BPTF: variants seen among roughly 807,000 people sequenced by gnomAD.
BPTF encodes the protein nucleosome-remodeling factor subunit BPTF.
A neutral mutation model predicts 292.5 loss-of-function variants in BPTF; 18 were observed. That is an observed-to-expected ratio of 0.06 (90% confidence interval 0.04 to 0.09). The LOEUF (loss-of-function observed/expected upper bound fraction) is 0.09. Ranked by LOEUF, BPTF falls within the 10% of genes least tolerant of loss-of-function variation. The pLI is 1.00. For synonymous variants in BPTF, 1,225 were observed against 1,251.9 expected (o/e 0.98, Z 0.45); for missense variants, 2,726 against 3,498.7 (o/e 0.78, Z 5.57).
At chr17:67,863,187 G>A (rs535869448) in intron 2 of BPTF, among the ~76,000 whole-genome samples, 45 of 152,296 alleles carry the variant, frequency 3.0e-4, no homozygotes, top group Non-Finnish European at 6.0e-4. Context: ...AAGAGAATCT[G>A]TTCCATGCCT....
intron 12 of BPTF, among the ~76,000 whole-genome samples, chr17:67,919,173 A>AAATAATAATAAT (rs141658141): frequency 3.0e-5 from 4 of 135,558 alleles, no homozygotes; most frequent in African/African-American, 8.5e-5. Context: ...CTCTGTCTCA[A>AAATAATAATAAT]AATAATAATA....
At chr17:67,873,338 A>G (rs935231141) in intron 3 of BPTF, among the ~76,000 whole-genome samples, 1 of 151,706 alleles carries the variant, frequency 6.6e-6, no homozygotes, top group African/African-American at 2.4e-5. Flanking sequence ...GGCGCCTGTA[A>G]TCCCAGCTAC....
Position 67,920,011 on chromosome 17 carries a change from A to G in BPTF, c.5429-4A>G. 6.2e-7 allele frequency: 1 copy of G among 1,609,200 alleles called. No homozygotes were observed. Among genetic ancestry groups the G allele is most frequent in the Non-Finnish European group, 8.5e-7 (1 of 1,177,370 alleles). On this transcript the variant is annotated splice_polypyrimidine_tract_variant and splice_region_variant and intron_variant, in intron 12 of 27. Transcript: ENST00000306378. ...ATTAATACTATTGAATTAAATCACC[A>G]TAGAAACATCCGAAACTGAAATCAC...
At chr17:67,896,258 A>G (rs544768410) in intron 7 of BPTF, among the ~76,000 whole-genome samples, 2 of 152,324 alleles carry the variant, frequency 1.3e-5, no homozygotes, top group South Asian at 4.1e-4. Context: ...GACTGCACCC[A>G]GCCAATATTG....
chr17:67,970,922 A>C (rs2068686725), intron 26 of BPTF, among the ~76,000 whole-genome samples: 1 of 152,148 alleles, frequency 6.6e-6, no homozygotes, highest in South Asian at 2.1e-4. Context: ...TTCTAAGAAA[A>C]CAGTCTCCAG....
intron 23 of BPTF, chr17:67,950,963 A>G (rs1431634506): frequency 6.6e-6 from 1 of 151,892 alleles, no homozygotes; most frequent in African/African-American, 2.4e-5. Context: ...ATGTGCCACC[A>G]TGCCTGGCTA....
chr17:67,952,416 A>G (rs1235963992), intron 23 of BPTF, among the ~76,000 whole-genome samples: 1 of 152,016 alleles, frequency 6.6e-6, no homozygotes, highest in African/African-American at 2.4e-5. Context: ...GACACCTGCT[A>G]CCACGCCCAG....
At position 67,982,965 on chromosome 17, in the gene BPTF, C is replaced by T. The variant is rs1440418396; in HGVS notation, c.*677C>T. 6.6e-6 allele frequency: 1 copy of T among 152,288 alleles called. No homozygotes were observed. Among genetic ancestry groups the T allele is most frequent in the African/African-American group, 2.4e-5 (1 of 41,452 alleles). 9.4% of individuals were successfully genotyped at this position (152,288 alleles called of 1,614,324 possible). A position where few individuals can be genotyped will look rare whatever the true frequency, so the allele number is the denominator to read the frequency against. ...GGTTGGGCTAAGTGGTCCTGGACTA[C>T]AGACTCTGTTGCCTTGAATATAACA... On this transcript the variant is annotated 3_prime_UTR_variant, in exon 28 of 28. Transcript: ENST00000306378.
intron 23 of BPTF, among the ~76,000 whole-genome samples, chr17:67,957,905 T>A (rs2067107512): frequency 6.6e-6 from 1 of 152,218 alleles, no homozygotes; most frequent in Non-Finnish European, 1.5e-5. Flanking sequence ...ACACCAAGTT[T>A]GTTTGTGGAT....
chr17:67,828,993 T>C (rs1258068637), intron 1 of BPTF, among the ~76,000 whole-genome samples: 1 of 152,222 alleles, frequency 6.6e-6, no homozygotes, highest in Non-Finnish European at 1.5e-5. Context: ...AAATTATTGT[T>C]AGTAGATAAG....
intron 4 of BPTF, 138 bp downstream of exon 4, chr17:67,875,158 C>A (rs927317061): frequency 4.1e-6 from 3 of 726,418 alleles, no homozygotes; most frequent in Non-Finnish European, 6.8e-6. Flanking sequence ...GGATACCGTC[C>A]CCTCTTATAA....
chr17:67,928,188 A>G (rs1389359313), intron 15 of BPTF, among the ~76,000 whole-genome samples, 167 bp from the exon 16 acceptor site: 4 of 152,194 alleles, frequency 2.6e-5, no homozygotes, highest in Admixed American at 2.6e-4. Flanking sequence ...CCAGCCATAA[A>G]TACGGGTAAA....
intron 11 of BPTF, among the ~76,000 whole-genome samples, 171 bp downstream of exon 11, chr17:67,913,358 A>AGGTG (rs869165219): frequency 3.0e-5 from 3 of 101,664 alleles, no homozygotes; most frequent in African/African-American, 1.1e-4. Flanking sequence ...TGGCCAACTA[A>AGGTG]TGTACTAAAG....
rs2070608809 is a variant in BPTF, at chr17:67,983,277, C to A, written c.*989C>A. 1 of 152,580 alleles carries A rather than the reference C, an allele frequency of 6.6e-6. No homozygotes were observed. Among genetic ancestry groups the A allele is most frequent in the Non-Finnish European group, 1.5e-5 (1 of 68,032 alleles). The allele number at this position is 152,580 out of a possible 1,614,324, so 9.5% of individuals were successfully genotyped here. On this transcript the variant is annotated 3_prime_UTR_variant, in exon 28 of 28. Coordinates refer to ENST00000306378, the MANE Select transcript of BPTF (RefSeq NM_182641.4). ...CTGGATTTCTCCAGGACAGCAGTGG[C>A]CCCTCGTTTTATCATTCCCAGTCCA...
chr17:67,943,933 T>TG (rs1555673103), intron 19 of BPTF, among the ~76,000 whole-genome samples: 3 of 152,146 alleles, frequency 2.0e-5, no homozygotes, highest in Admixed American at 2.0e-4. Flanking sequence ...GGCTGACCAT[T>TG]GGGGGAGCTT....
At chr17:67,875,984 TA>T (rs1385664352) in intron 4 of BPTF, among the ~76,000 whole-genome samples, 1 of 152,216 alleles carries the variant, frequency 6.6e-6, no homozygotes, top group African/African-American at 2.4e-5. Context: ...TGTTTTTGTT[TA>T]ATAGATTTAT....
chr17:67,959,706 C>T lies in BPTF; in HGVS notation c.8092C>T (p.Leu2698Phe). 2 of 1,612,246 alleles carry T rather than the reference C, an allele frequency of 1.2e-6. No homozygotes were observed. Among genetic ancestry groups the T allele is most frequent in the Non-Finnish European group, 1.7e-6 (2 of 1,178,818 alleles). Residue 2698 changes from leucine to phenylalanine, a missense_variant, in exon 24 of 28, where the codon CTT (leucine) becomes TTT (phenylalanine). Leu to Phe is a conservative substitution (Grantham distance 22, BLOSUM62 0). This residue lies in a region of BPTF where 148 missense variants were observed against 145.5 expected (regional missense o/e 1.02). Transcript: ENST00000306378. ...TCCACCTGCTGTGCAACACACAGGC[C>T]TTCTGTCCACGCCCACCTTACCTGC... ...PPPPAVQHTG[L>F]LSTPTLPAAS... is the part of the protein sequence containing the mutation.
At chr17:67,896,021 T>TG (rs1399876836) in intron 7 of BPTF, among the ~76,000 whole-genome samples, 1 of 150,808 alleles carries the variant, frequency 6.6e-6, no homozygotes, top group Non-Finnish European at 1.5e-5. Flanking sequence ...TGGAGTGCAG[T>TG]GGCGTGATCT....
At chr17:67,976,087 T>G in intron 27 of BPTF, 129 bp downstream of exon 27, 1 of 692,346 alleles carries the variant, frequency 1.4e-6, no homozygotes, top group South Asian at 3.1e-5. Context: ...AAAAAATAAA[T>G]AAATCAAGAC....
Sources: gnomAD v4.1 joint callset for allele counts (sites outside exome capture counted in the v4.1 genomes callset) on GRCh38, gnomAD v4.1.1 for gene constraint, gnomAD v4.1.1 regional missense constraint, MANE v1.5 for transcripts, NCBI Gene and HGNC (gene_info 2026-07-23, HGNC 2026-07-21) for gene names.